CNTN4: variants seen among roughly 807,000 people sequenced by gnomAD.
The protein encoded by CNTN4 is contactin-4.
In CNTN4, 77 loss-of-function variants were observed where a neutral mutation model predicts 122.5. That is an observed-to-expected ratio of 0.63 (90% CI 0.52 to 0.76). The LOEUF is 0.76. CNTN4 is among the 30% of genes least tolerant of loss of function. The probability of loss-of-function intolerance (pLI) is 0.00; values close to 1 mark genes in which losing one functional copy is unlikely to be tolerated. For missense variants in CNTN4, 1,256 were observed against 1,259.1 expected (o/e 1.00, Z 0.04); for synonymous variants, 512 against 447.0 (o/e 1.15, Z -1.83).
Position 2,670,849 on chromosome 3 carries a change from A to C in CNTN4, c.56-65366A>C, listed in dbSNP as rs1463636160. Among the ~76,000 whole-genome samples the C allele has an allele frequency of 4.6e-5, 7 of 152,284 alleles. 1 individual carries two copies. The highest frequency in any genetic ancestry group is 3.9e-4 in the East Asian group (2 of 5,174). On this transcript the variant is annotated intron_variant, in intron 4 of 24. Coordinates refer to ENST00000418658, the MANE Select transcript of CNTN4 (RefSeq NM_175607.3). ...AAAGGATTTTATTTCTCCTTCACTT[A>C]TGAAGCTTAGTTTGGCTGGATATGA...
intron 23 of CNTN4, among the ~76,000 whole-genome samples, chr3:3,047,985 T>A (rs7373276): frequency 6.6e-6 from 1 of 151,914 alleles, no homozygotes; most frequent in Non-Finnish European, 1.5e-5. Context: ...TTAGACCAGA[T>A]GGTAGGAAAG....
chr3:2,392,613 C>T lies in CNTN4; in HGVS notation c.-89+53380C>T, dbSNP rs547921891. The stretch of plus-strand genomic sequence containing the variant: ...ATTAAATCAGGATAATTAGCATATC[C>T]ACCTCCTCAGATATTTATTTGCAGT... On this transcript the variant is annotated intron_variant, in intron 3 of 24. Coordinates refer to ENST00000418658, the MANE Select transcript of CNTN4 (RefSeq NM_175607.3). Among the ~76,000 whole-genome samples, 9 of 152,106 alleles carry T rather than the reference C, an allele frequency of 5.9e-5. No individual in the cohort carries two copies. The South Asian group carries it at 1.7e-3, about 28-fold the overall frequency.
In CNTN4 at chr3:2,384,100, G is replaced by A. The variant is rs548744413; in HGVS notation, c.-89+44867G>A. On this transcript the variant is annotated intron_variant, in intron 3 of 24. Transcript: ENST00000418658. ...AATAAGATTAGGGCCTACTTTATAC[G>A]GTTGTTGGGTGAATCAAATAAGCTA... Among the ~76,000 whole-genome samples, 7 of 152,238 alleles carry A rather than the reference G, an allele frequency of 4.6e-5. No individual in the cohort carries two copies. The East Asian group carries it at 5.8e-4, about 13-fold the overall frequency.
At chr3:2,998,841 A>T (rs1436633850) in intron 14 of CNTN4, among the ~76,000 whole-genome samples, 1 of 152,190 alleles carries the variant, frequency 6.6e-6, no homozygotes, top group South Asian at 2.1e-4. Flanking sequence ...AATAAAACAG[A>T]TTTCATGAAC....
intron 3 of CNTN4, among the ~76,000 whole-genome samples, chr3:2,483,685 A>G (rs1393595078): frequency 6.6e-6 from 1 of 152,158 alleles, no homozygotes; most frequent in African/African-American, 2.4e-5. Flanking sequence ...ATGGTTTTAT[A>G]AGTGGCATTT....
chr3:3,028,155 G>A (rs1450804116), intron 15 of CNTN4, among the ~76,000 whole-genome samples: 7 of 152,138 alleles, frequency 4.6e-5, no homozygotes, highest in Admixed American at 1.3e-4. Flanking sequence ...ATGATGCTTG[G>A]TATAGAGTTA....
intron 2 of CNTN4, among the ~76,000 whole-genome samples, chr3:2,180,860 C>T (rs1206372539): frequency 6.6e-6 from 1 of 152,040 alleles, no homozygotes; most frequent in African/African-American, 2.4e-5. Context: ...TTGTGATTGA[C>T]AGAGTCTGTA....
intron 12 of CNTN4, among the ~76,000 whole-genome samples, chr3:2,909,991 G>T (rs796522373): frequency 1.8e-4 from 27 of 152,230 alleles, no homozygotes; most frequent in African/African-American, 6.5e-4. Flanking sequence ...TCTGATTTTG[G>T]ATCAAAAAGC....
chr3:2,201,094 A>C (rs2038076726), intron 2 of CNTN4, among the ~76,000 whole-genome samples: 1 of 152,180 alleles, frequency 6.6e-6, no homozygotes, highest in Admixed American at 6.6e-5. Flanking sequence ...AAAGGCACGA[A>C]TAGAGTAGCC....
intron 6 of CNTN4, among the ~76,000 whole-genome samples, chr3:2,777,395 G>A (rs2091365764): frequency 6.6e-6 from 1 of 152,206 alleles, no homozygotes; most frequent in African/African-American, 2.4e-5. Flanking sequence ...TTCTAAGAGT[G>A]TGTTTGTAGG....
At chr3:2,155,644 C>T (rs777678312) in intron 2 of CNTN4, among the ~76,000 whole-genome samples, 4 of 152,170 alleles carry the variant, frequency 2.6e-5, no homozygotes, top group Non-Finnish European at 5.9e-5. Flanking sequence ...GTCTTGGTGA[C>T]CATGCTATCC....
chr3:2,383,673 C>G (rs1243940471), intron 3 of CNTN4, among the ~76,000 whole-genome samples: 1 of 148,274 alleles, frequency 6.7e-6, no homozygotes. Flanking sequence ...TTCCCTTTGC[C>G]TCCCTTCCTC....
intron 2 of CNTN4, among the ~76,000 whole-genome samples, chr3:2,161,278 T>C (rs979789454): frequency 6.6e-6 from 1 of 152,074 alleles, no homozygotes; most frequent in African/African-American, 2.4e-5. Flanking sequence ...CCATGTTAAG[T>C]TTTCTGGGCT....
intron 3 of CNTN4, among the ~76,000 whole-genome samples, chr3:2,371,393 A>T (rs975126558): frequency 6.6e-6 from 1 of 152,116 alleles, no homozygotes; most frequent in African/African-American, 2.4e-5. Context: ...TAAAATTACA[A>T]ACCCCAACCC....
chr3:2,224,262 C>T (rs1396071654), intron 2 of CNTN4, among the ~76,000 whole-genome samples: 1 of 152,084 alleles, frequency 6.6e-6, no homozygotes, highest in Non-Finnish European at 1.5e-5. Context: ...GTGTCCTGAG[C>T]CTCAACAATA....
At chr3:2,719,419 C>G (rs945481454) in intron 4 of CNTN4, among the ~76,000 whole-genome samples, 72 of 152,002 alleles carry the variant, frequency 4.7e-4, no homozygotes, top group African/African-American at 1.6e-3. Flanking sequence ...CTCAGCCTCC[C>G]AAGTAGCTGG....
intron 12 of CNTN4, among the ~76,000 whole-genome samples, chr3:2,915,689 C>G (rs1489425364): frequency 6.6e-6 from 1 of 152,070 alleles, no homozygotes; most frequent in African/African-American, 2.4e-5. Context: ...TCTGGCAATC[C>G]TAACATTTGG....
intron 4 of CNTN4, among the ~76,000 whole-genome samples, chr3:2,638,421 G>A (rs907423972): frequency 3.3e-5 from 5 of 151,954 alleles, no homozygotes; most frequent in Admixed American, 2.6e-4. Flanking sequence ...AATGTAAATC[G>A]AATTTTATTT....
chr3:2,370,558 G>C (rs1397549760), intron 3 of CNTN4, among the ~76,000 whole-genome samples: 1 of 152,168 alleles, frequency 6.6e-6, no homozygotes, highest in East Asian at 1.9e-4. Context: ...TGGAATGACA[G>C]CTGCTGAATG....
Sources: allele counts gnomAD v4.1 joint callset (sites outside exome capture counted in the v4.1 genomes callset), GRCh38; gene constraint gnomAD v4.1.1; transcripts MANE v1.5; gene names NCBI Gene and HGNC (gene_info 2026-07-23, HGNC 2026-07-21).